FAM171B: variants seen among roughly 807,000 people sequenced by gnomAD.
FAM171B encodes family with sequence similarity 171 member B.
FAM171B carries 19 observed loss-of-function variants against 75.6 expected under a neutral mutation model. The ratio of observed to expected loss-of-function variants is 0.25; its 90% CI spans 0.18 to 0.37. The LOEUF is 0.37. Ranked by LOEUF, FAM171B falls within the 10% of genes least tolerant of loss-of-function variation. FAM171B has a pLI of 1.00. For synonymous variants in FAM171B, 367 were observed against 361.7 expected, an observed-to-expected ratio of 1.01 and a Z score of -0.17; for missense variants, 848 against 982.4, an observed-to-expected ratio of 0.86 and a Z score of 1.83.
intron 1 of FAM171B, among the ~76,000 whole-genome samples, chr2:186,697,603 T>A (rs1689601350): frequency 6.6e-6 from 1 of 152,128 alleles, no homozygotes. Flanking sequence ...CATATATACC[T>A]TTAAATAGCT....
At chr2:186,697,436 A>G (rs1047909607) in intron 1 of FAM171B, among the ~76,000 whole-genome samples, 1 of 152,116 alleles carries the variant, frequency 6.6e-6, no homozygotes, top group East Asian at 1.9e-4. Flanking sequence ...TTGTAGAGAT[A>G]GGGTCCTGCT....
chr2:186,753,588 TG>T (rs1477810345), intron 5 of FAM171B, among the ~76,000 whole-genome samples: 1 of 152,184 alleles, frequency 6.6e-6, no homozygotes, highest in East Asian at 1.9e-4. Context: ...ATAATTTTTG[TG>T]TTTTTAATAG....
chr2:186,702,500 T>C (rs537781098), intron 1 of FAM171B, among the ~76,000 whole-genome samples: 2 of 152,348 alleles, frequency 1.3e-5, no homozygotes, highest in Non-Finnish European at 2.9e-5. Flanking sequence ...TCAGCACAAT[T>C]CACATGTCCA....
At chr2:186,735,301 T>C (rs575056492) in intron 1 of FAM171B, among the ~76,000 whole-genome samples, 2 of 152,188 alleles carry the variant, frequency 1.3e-5, no homozygotes, top group African/African-American at 2.4e-5. Flanking sequence ...GAGTCAAAGC[T>C]GTCCTCTTGA....
At chr2:186,721,452 GA>G (rs1689951047) in intron 1 of FAM171B, among the ~76,000 whole-genome samples, 1 of 152,048 alleles carries the variant, frequency 6.6e-6, no homozygotes, top group Non-Finnish European at 1.5e-5. Flanking sequence ...CATGCATTCA[GA>G]AAATAAACGT....
intron 1 of FAM171B, among the ~76,000 whole-genome samples, chr2:186,703,560 A>G (rs541589226): frequency 6.6e-6 from 1 of 152,286 alleles, no homozygotes; most frequent in African/African-American, 2.4e-5. Flanking sequence ...CAGAAACAGG[A>G]TGGGTAGGTA....
chr2:186,735,094 T>A (rs1022772529), intron 1 of FAM171B, among the ~76,000 whole-genome samples: 1 of 152,120 alleles, frequency 6.6e-6, no homozygotes, highest in East Asian at 1.9e-4. Context: ...ACCAACTCGG[T>A]AGGGGCAGGG....
rs941574639 is a variant in FAM171B at position 186,764,098 on chromosome 2, C to T, written c.*1275C>T. On this transcript the variant is annotated 3_prime_UTR_variant, in exon 8 of 8. Coordinates refer to ENST00000304698, the MANE Select transcript of FAM171B (RefSeq NM_177454.4). ...TTCATACATCCTAAAAATAAAAGCT[C>T]GTTATTCATTAAAATCAACTGATCC... 1 of 151,994 alleles carries T rather than the reference C, an allele frequency of 6.6e-6. No individual in the cohort carries two copies. Among genetic ancestry groups the T allele is most frequent in the South Asian group, 2.1e-4 (1 of 4,824 alleles). The allele number at this position is 151,994 out of a possible 1,614,324, so 9.4% of individuals were successfully genotyped here. A position where few individuals can be genotyped will look rare whatever the true frequency, so the allele number is the denominator to read the frequency against.
intron 1 of FAM171B, among the ~76,000 whole-genome samples, chr2:186,716,811 A>G (rs1368954538): frequency 6.6e-6 from 1 of 152,012 alleles, no homozygotes; most frequent in Admixed American, 6.6e-5. Context: ...ATAGTGCAAT[A>G]TTTTTCATGT....
intron 1 of FAM171B, among the ~76,000 whole-genome samples, chr2:186,703,074 T>TACAC (rs1354045826): frequency 0.035 from 3,531 of 101,720 alleles, 108 homozygotes; most frequent in African/African-American, 0.1. Flanking sequence ...TATATATATA[T>TACAC]ATACACACAC....
intron 1 of FAM171B, among the ~76,000 whole-genome samples, chr2:186,699,837 A>G (rs1395828469): frequency 6.6e-6 from 1 of 152,166 alleles, no homozygotes; most frequent in Non-Finnish European, 1.5e-5. Flanking sequence ...ATTCTTCTGC[A>G]TAAGGATATC....
At chr2:186,703,380 AG>A (rs751916509) in intron 1 of FAM171B, among the ~76,000 whole-genome samples, 22 of 152,228 alleles carry the variant, frequency 1.4e-4, no homozygotes, top group Non-Finnish European at 2.4e-4. Flanking sequence ...GTCAACCAGT[AG>A]AAATGTTCAC....
At chr2:186,718,328 T>C (rs748623461) in intron 1 of FAM171B, among the ~76,000 whole-genome samples, 7 of 152,204 alleles carry the variant, frequency 4.6e-5, no homozygotes, top group Non-Finnish European at 8.8e-5. Flanking sequence ...TTCCCAGGCT[T>C]TTTTCTTGCT....
At chr2:186,696,099 G>T (rs1689574475) in intron 1 of FAM171B, among the ~76,000 whole-genome samples, 1 of 152,080 alleles carries the variant, frequency 6.6e-6, no homozygotes, top group South Asian at 2.1e-4. Context: ...ATTTGTGAGG[G>T]AATATTCTGA....
intron 3 of FAM171B, among the ~76,000 whole-genome samples, chr2:186,745,668 T>C (rs1690355765): frequency 2.0e-5 from 3 of 152,228 alleles, no homozygotes; most frequent in South Asian, 4.1e-4. Context: ...CAGTGGAAAT[T>C]AAGCCTGTGT....
chr2:186,756,690 C>T (rs1690536119), intron 6 of FAM171B, among the ~76,000 whole-genome samples: 1 of 152,096 alleles, frequency 6.6e-6, no homozygotes. Flanking sequence ...CATTATCTAC[C>T]TACAGTTTGC....
rs1225787841 is a variant in FAM171B at position 186,761,225 on chromosome 2, T to G, written c.1125T>G (p.Leu375=). 1 of 1,612,192 alleles carries G rather than the reference T, an allele frequency of 6.2e-7. No individual in the cohort carries two copies. The highest frequency in any genetic ancestry group is 1.1e-5 in the South Asian group (1 of 90,726). ...TCATTGGATTTTTTGCTGTACTACT[T>G]TGTTATTGCAGGTAAGAAAATGGCT... ...VIVIGFFAVL[L]CYCRDKCGTP... Residue 375 remains leucine, a synonymous_variant, in exon 7 of 8, where the codon CTT becomes CTG. Coordinates refer to ENST00000304698, the MANE Select transcript of FAM171B (RefSeq NM_177454.4).
intron 6 of FAM171B, among the ~76,000 whole-genome samples, chr2:186,759,810 C>T (rs558775644): frequency 1.3e-5 from 2 of 151,934 alleles, no homozygotes; most frequent in East Asian, 3.9e-4. Flanking sequence ...GATGTTATCC[C>T]ATTTTTGCTT....
At chr2:186,712,216 T>A (rs1689819108) in intron 1 of FAM171B, among the ~76,000 whole-genome samples, 1 of 152,216 alleles carries the variant, frequency 6.6e-6, no homozygotes, top group Non-Finnish European at 1.5e-5. Context: ...CTTGTTATTA[T>A]CTTCTTTTTT....
Sources: gnomAD v4.1 joint callset for allele counts (sites outside exome capture counted in the v4.1 genomes callset) on GRCh38, gnomAD v4.1.1 for gene constraint, MANE v1.5 for transcripts, NCBI Gene and HGNC (gene_info 2026-07-23, HGNC 2026-07-21) for gene names.